CCSER2: variants seen among roughly 807,000 people sequenced by gnomAD.
The protein encoded by CCSER2 is coiled-coil serine rich protein 2, also known as serine-rich coiled-coil domain-containing protein 2.
A neutral mutation model predicts 92.3 loss-of-function variants in CCSER2; 46 were observed. The ratio of observed to expected loss-of-function variants is 0.50; its 90% CI spans 0.39 to 0.64. The LOEUF is 0.64. Ranked by LOEUF, CCSER2 falls within the 30% of genes least tolerant of loss-of-function variation. The probability of loss-of-function intolerance (pLI) is 0.00; values close to 1 mark genes in which losing one functional copy is unlikely to be tolerated. For missense variants in CCSER2, 1,244 were observed against 1,238.9 expected (o/e 1.00, Z -0.06); for synonymous variants, 433 against 431.4 (o/e 1.00, Z -0.04).
chr10:84,510,330 C>T (rs574680212), intron 9 of CCSER2, among the ~76,000 whole-genome samples: 32 of 152,250 alleles, frequency 2.1e-4, no homozygotes, highest in African/African-American at 7.7e-4. Flanking sequence ...GGAATGCCTC[C>T]TGTGACCTCT....
intron 1 of CCSER2, among the ~76,000 whole-genome samples, chr10:84,353,853 T>C (rs566533813): frequency 6.6e-6 from 1 of 152,076 alleles, no homozygotes; most frequent in African/African-American, 2.4e-5. Flanking sequence ...CTCTTTGAGC[T>C]CTTTTCCTGC....
Position 84,470,475 on chromosome 10 carries a change from A to G in CCSER2, c.2235+17A>G. Reference sequence around the variant, plus strand: ...CTTCAGCTTGTAAGTATTGTAGTATAATGTATAGAGACTTTTCAAACTGGG... The same window carrying G: ...CTTCAGCTTGTAAGTATTGTAGTATGATGTATAGAGACTTTTCAAACTGGG... On this transcript the variant is annotated intron_variant, in intron 8 of 9. Transcript: ENST00000372088. 1 of 1,399,210 alleles carries G rather than the reference A, an allele frequency of 7.1e-7. No homozygotes were observed. The highest frequency in any genetic ancestry group is 9.4e-7 in the Non-Finnish European group (1 of 1,059,618). The allele number at this position is 1,399,210 out of a possible 1,614,324, so 86.7% of individuals were successfully genotyped here.
intron 1 of CCSER2, among the ~76,000 whole-genome samples, chr10:84,357,830 C>T (rs1299944705): frequency 6.6e-6 from 1 of 152,198 alleles, no homozygotes; most frequent in Non-Finnish European, 1.5e-5. Flanking sequence ...TCTGTGACAA[C>T]TGTATCCACA....
chr10:84,443,110 C>A (rs1844677317), intron 6 of CCSER2, among the ~76,000 whole-genome samples: 1 of 152,122 alleles, frequency 6.6e-6, no homozygotes. Context: ...GACTAAAACA[C>A]CAAAAGCGAT....
chr10:84,484,177 C>T (rs555538860), intron 9 of CCSER2, among the ~76,000 whole-genome samples: 3 of 151,216 alleles, frequency 2.0e-5, no homozygotes, highest in South Asian at 4.2e-4. Context: ...GGGGTTTCAC[C>T]GCGTTAGCCA....
chr10:84,501,834 A>AAAATATATATAT (rs1167460274), intron 9 of CCSER2, among the ~76,000 whole-genome samples: 6 of 40,158 alleles, frequency 1.5e-4, no homozygotes, highest in Non-Finnish European at 4.1e-4. Flanking sequence ...AAAAAAAAAA[A>AAAATATATATAT]ATATATATAT....
chr10:84,392,068 C>T (rs1177694265), intron 3 of CCSER2: 3 of 971,800 alleles, frequency 3.1e-6, no homozygotes, highest in Admixed American at 1.8e-5. Flanking sequence ...AGCTGCAGTC[C>T]CAAAATTAGG....
In CCSER2 at chr10:84,371,967, T is replaced by C. The variant is rs1473136327; in HGVS notation, c.915T>C (p.Asn305=). The change falls in exon 2 of 10, where the codon AAT becomes AAC. Residue 305 remains asparagine, a synonymous_variant. Coordinates refer to ENST00000372088, the MANE Select transcript of CCSER2 (RefSeq NM_001284240.2). ...AAGGKKLALP[N]GPGVTSTLGY... ...GTGGAAAGAAGTTGGCTTTACCAAA[T>C]GGCCCAGGTGTAACTTCTACTTTAG... The C allele has an allele frequency of 1.2e-6, 2 of 1,613,826 alleles. No individual in the cohort carries two copies. Among genetic ancestry groups the C allele is most frequent in the Admixed American group, 1.7e-5 (1 of 60,000 alleles).
At chr10:84,377,294 T>G (rs1430813702) in intron 3 of CCSER2, among the ~76,000 whole-genome samples, 3 of 152,318 alleles carry the variant, frequency 2.0e-5, no homozygotes, top group Non-Finnish European at 4.4e-5. Context: ...TGTTTCAATG[T>G]TTTGCTCTAA....
rs542473910 is a variant in CCSER2, at chr10:84,481,719, G to T, written c.2325+4055G>T. Among the ~76,000 whole-genome samples, 5 of 152,252 alleles carry T rather than the reference G, an allele frequency of 3.3e-5. No homozygotes were observed. In the South Asian group the frequency reaches 1.0e-3, roughly 32 times the overall value. Reference sequence around the variant, plus strand: ...ACAGTGTTTTCAGCATTGAGGACCAGAGTGTGAAGCACGTCTTAGTGGAGT... The same window carrying T: ...ACAGTGTTTTCAGCATTGAGGACCATAGTGTGAAGCACGTCTTAGTGGAGT... On this transcript the variant is annotated intron_variant, in intron 9 of 9. Transcript: ENST00000372088.
intron 6 of CCSER2, among the ~76,000 whole-genome samples, chr10:84,448,281 T>A (rs1422056789): frequency 2.6e-5 from 4 of 152,172 alleles, no homozygotes; most frequent in Non-Finnish European, 5.9e-5. Flanking sequence ...TCACTCTTCT[T>A]TGACTCTGAT....
intron 1 of CCSER2, among the ~76,000 whole-genome samples, chr10:84,354,155 C>T (rs765484268): frequency 1.4e-4 from 21 of 151,986 alleles, no homozygotes; most frequent in Non-Finnish European, 2.4e-4. Flanking sequence ...GCTGTGTTTG[C>T]ACTACTTCAC....
At chr10:84,490,124 G>T (rs1848065967) in intron 9 of CCSER2, among the ~76,000 whole-genome samples, 1 of 152,216 alleles carries the variant, frequency 6.6e-6, no homozygotes, top group South Asian at 2.1e-4. Flanking sequence ...TAGTCTGACG[G>T]GTTTCCCTTT....
At chr10:84,392,023 C>T (rs1841548085) in intron 3 of CCSER2, 5 of 1,272,756 alleles carry the variant, frequency 3.9e-6, no homozygotes, top group Admixed American at 1.7e-5. Context: ...TTAAAAAGAG[C>T]GTCTTGCAGC....
chr10:84,457,215 T>TAAATA (rs1491479848), intron 6 of CCSER2, among the ~76,000 whole-genome samples: 4 of 111,728 alleles, frequency 3.6e-5, no homozygotes, highest in Non-Finnish European at 6.9e-5. Context: ...TATATATATA[T>TAAATA]TACATATTAT....
chr10:84,513,232 C>T (rs749194658), intron 9 of CCSER2, among the ~76,000 whole-genome samples: 2 of 151,962 alleles, frequency 1.3e-5, no homozygotes, highest in Non-Finnish European at 2.9e-5. Flanking sequence ...GGATCTTGTT[C>T]AGTGTTTACT....
intron 1 of CCSER2, among the ~76,000 whole-genome samples, chr10:84,336,770 T>C (rs1349581649): frequency 6.6e-6 from 1 of 152,216 alleles, no homozygotes; most frequent in East Asian, 1.9e-4. Flanking sequence ...TTGTTATAAG[T>C]AGAACTCTCA....
chr10:84,410,654 C>T (rs1360909483), intron 3 of CCSER2, among the ~76,000 whole-genome samples: 2 of 152,184 alleles, frequency 1.3e-5, no homozygotes, highest in African/African-American at 4.8e-5. Context: ...CTTGTAGAGT[C>T]TAGTGACTAG....
intron 3 of CCSER2, among the ~76,000 whole-genome samples, chr10:84,415,860 A>C (rs1421171700): frequency 6.6e-6 from 1 of 152,160 alleles, no homozygotes; most frequent in East Asian, 1.9e-4. Context: ...TGGAATTCCA[A>C]GTCAGTGGGT....
Sources: gnomAD v4.1 joint callset for allele counts (sites outside exome capture counted in the v4.1 genomes callset) on GRCh38, gnomAD v4.1.1 for gene constraint, MANE v1.5 for transcripts, NCBI Gene and HGNC (gene_info 2026-07-23, HGNC 2026-07-21) for gene names.